HEG1: variants seen among roughly 807,000 people sequenced by gnomAD.
HEG1 encodes heart development protein with EGF like domains 1.
A neutral mutation model predicts 125.6 loss-of-function variants in HEG1; 56 were observed. That is an observed-to-expected ratio of 0.45 (90% CI 0.36 to 0.56). The LOEUF is 0.56. Among genes scored for constraint, HEG1 ranks in the 20% least tolerant of loss-of-function variants. The probability of loss-of-function intolerance (pLI) is 0.00; values close to 1 mark genes in which losing one functional copy is unlikely to be tolerated. For missense variants in HEG1, 1,523 were observed against 1,670.0 expected, an observed-to-expected ratio of 0.91 and a Z score of 1.53; for synonymous variants, 644 against 668.5, an observed-to-expected ratio of 0.96 and a Z score of 0.57.
rs753845416 is a variant in HEG1 at position 124,997,756 on chromosome 3, G to A, written c.3585C>T (p.Asp1195=). The part of the protein sequence containing the change: ...DKDTSICTDL[D]GVALCQCKSG... ...ACTTGCACTGGCACAGGGCAACGCC[G>A]TCCAGGTCAGTGCAGATGGAGGTGT... is the stretch of plus-strand genomic sequence containing the variant. The change falls in exon 12 of 17, where the codon GAC becomes GAT. Residue 1195 remains aspartate, a synonymous_variant. Transcript: ENST00000311127. 45 of 1,598,844 alleles carry A rather than the reference G, an allele frequency of 2.8e-5. No homozygotes were observed. Among genetic ancestry groups the A allele is most frequent in the Middle Eastern group, 1.7e-4 (1 of 6,048 alleles).
intron 7 of HEG1, 36 bp downstream of exon 7, chr3:125,010,403 G>A: frequency 7.5e-7 from 1 of 1,333,266 alleles, no homozygotes; most frequent in Non-Finnish European, 1.1e-6. Context: ...ACGTGGTACT[G>A]TGGTGCAGAC....
At chr3:125,036,553 A>G (rs1055806629) in intron 1 of HEG1, among the ~76,000 whole-genome samples, 1 of 152,222 alleles carries the variant, frequency 6.6e-6, no homozygotes, top group African/African-American at 2.4e-5. Flanking sequence ...TTGAATGACA[A>G]ACAAGGGTAA....
chr3:124,996,727 A>T (rs1936928536), intron 12 of HEG1, among the ~76,000 whole-genome samples: 2 of 152,206 alleles, frequency 1.3e-5, no homozygotes, highest in African/African-American at 4.8e-5. Flanking sequence ...CCTGATGGAG[A>T]AAAGTGGCAT....
At chr3:125,029,749 G>T (rs147570985) in intron 1 of HEG1, among the ~76,000 whole-genome samples, 1 of 152,046 alleles carries the variant, frequency 6.6e-6, no homozygotes, top group Non-Finnish European at 1.5e-5. Flanking sequence ...AAAATTAGCC[G>T]GTCGTGATGG....
At chr3:125,004,493 G>A in intron 9 of HEG1, among the ~76,000 whole-genome samples, 1 of 151,832 alleles carries the variant, frequency 6.6e-6, no homozygotes, top group Non-Finnish European at 1.5e-5. Context: ...GTTTTGGGGG[G>A]TTTCTTTTGT....
At chr3:125,022,867 G>C (rs1248681469) in intron 3 of HEG1, among the ~76,000 whole-genome samples, 1 of 152,098 alleles carries the variant, frequency 6.6e-6, no homozygotes, top group African/African-American at 2.4e-5. Context: ...CCAGGATACT[G>C]CATTAATTTC....
intron 8 of HEG1, 106 bp from the exon 9 acceptor site, chr3:125,005,474 C>A (rs927598871): frequency 1.7e-6 from 1 of 602,440 alleles, no homozygotes; most frequent in Non-Finnish European, 2.9e-6. Context: ...CCTCACAGGA[C>A]AATCTCTGCA....
At chr3:125,044,398 T>A (rs1248497342) in intron 1 of HEG1, among the ~76,000 whole-genome samples, 1 of 151,984 alleles carries the variant, frequency 6.6e-6, no homozygotes, top group East Asian at 1.9e-4. Context: ...GTTAAGGAAT[T>A]TTTTCAAAAG....
intron 8 of HEG1, among the ~76,000 whole-genome samples, chr3:125,006,911 C>T (rs1937078275): frequency 6.6e-6 from 1 of 152,188 alleles, no homozygotes; most frequent in Admixed American, 6.5e-5. Flanking sequence ...TAGAAATTCA[C>T]ATCGCAGGCC....
At chr3:125,014,729 G>A (rs1311351294) in intron 5 of HEG1, 1 of 1,276,402 alleles carries the variant, frequency 7.8e-7, no homozygotes, top group Non-Finnish European at 1.0e-6. Context: ...GTGCACTGGA[G>A]GCGGCCAGTG....
chr3:125,039,653 CT>C lies in HEG1; in HGVS notation c.317-10166del. On this transcript the variant is annotated intron_variant, in intron 1 of 16. Coordinates refer to ENST00000311127, the MANE Select transcript of HEG1 (RefSeq NM_020733.2). Reference sequence around the variant, plus strand: ...TCACATGCATTATCTCATTAATACCCTGTCAAGCGGGTATTATTATCCTCAT... The same window carrying C: ...TCACATGCATTATCTCATTAATACCCGTCAAGCGGGTATTATTATCCTCAT... Among the ~76,000 whole-genome samples the C allele has an allele frequency of 3.3e-5, 5 of 152,234 alleles. No individual in the cohort carries two copies. In the South Asian group the frequency reaches 1.0e-3, roughly 32 times the overall value.
chr3:125,006,436 G>A (rs1218300530), intron 8 of HEG1, among the ~76,000 whole-genome samples: 1 of 152,132 alleles, frequency 6.6e-6, no homozygotes, highest in Non-Finnish European at 1.5e-5. Context: ...CCCTCCGGAT[G>A]GAAAACAAAT....
At chr3:124,979,635 C>T (rs1343484244) in intron 14 of HEG1, among the ~76,000 whole-genome samples, 1 of 152,080 alleles carries the variant, frequency 6.6e-6, no homozygotes, top group Non-Finnish European at 1.5e-5. Context: ...GGATGAAACA[C>T]CAGTAGCCGG....
Position 125,009,646 on chromosome 3 carries a change from T to C in HEG1, c.3193+59A>G, listed in dbSNP as rs570057322. 1.9e-5 allele frequency: 28 copies of C among 1,500,018 alleles called. 1 individual carries two copies. The South Asian group carries it at 3.2e-4, about 17-fold the overall frequency. The allele number at this position is 1,500,018 out of a possible 1,614,324, so 92.9% of individuals were successfully genotyped here. ...TGGTTAGCAAGAAAAATAACAAATGTTACCTTGTAAAATATATTGTGGTAC... is the reference window on the plus strand; with the variant it reads ...TGGTTAGCAAGAAAAATAACAAATGCTACCTTGTAAAATATATTGTGGTAC... On this transcript the variant is annotated intron_variant, in intron 8 of 16. Coordinates refer to ENST00000311127, the MANE Select transcript of HEG1 (RefSeq NM_020733.2).
intron 11 of HEG1, among the ~76,000 whole-genome samples, chr3:124,998,911 G>C (rs1936961962): frequency 1.3e-5 from 2 of 152,188 alleles, no homozygotes; most frequent in Admixed American, 1.3e-4. Flanking sequence ...AAGATGCAAG[G>C]GGAAGGGCCA....
At position 125,013,010 on chromosome 3, in the gene HEG1, G is replaced by A; in HGVS notation, c.2569C>T (p.Pro857Ser). Residue 857 changes from proline (P) to serine (S), a missense_variant, in exon 6 of 17, where the codon CCT (proline) becomes TCT (serine). Pro to Ser is a moderately conservative substitution (Grantham distance 74, BLOSUM62 -1). Transcript: ENST00000311127. ...GATGCTGTGCTTGACAGGGTGCCAG[G>A]AGTGGTCATAAGAGGCTGAGAGGTC... ...LKTSQPLMTT[P>S]GTLSSTASLV... is the part of the protein sequence containing the mutation. 1 of 1,614,078 alleles carries A rather than the reference G, an allele frequency of 6.2e-7. No homozygotes were observed. Among genetic ancestry groups the A allele is most frequent in the Admixed American group, 1.7e-5 (1 of 60,036 alleles).
chr3:125,013,753 C>T lies in HEG1; in HGVS notation c.1826G>A (p.Ser609Asn), dbSNP rs1937198944. The T allele has an allele frequency of 6.2e-7, 1 of 1,613,796 alleles. No homozygotes were observed. Among genetic ancestry groups the T allele is most frequent in the Non-Finnish European group, 8.5e-7 (1 of 1,179,814 alleles). Residue 609 changes from serine to asparagine, a missense_variant, in exon 6 of 17, where the codon AGT becomes AAT. Coordinates refer to ENST00000311127, the MANE Select transcript of HEG1 (RefSeq NM_020733.2). Reference protein sequence around the residue: ...SSFFHAQTERSNISSYDGEYA... With the variant: ...SSFFHAQTERNNISSYDGEYA... ...TTCCCCGTCATAGGATGAGATGTTACTTCTCTCAGTCTGAGCATGAAAAAA... is the reference window on the plus strand; with the variant it reads ...TTCCCCGTCATAGGATGAGATGTTATTTCTCTCAGTCTGAGCATGAAAAAA...
At chr3:125,028,435 C>A (rs113462882) in intron 2 of HEG1, among the ~76,000 whole-genome samples, 4,338 of 152,258 alleles carry the variant, frequency 0.028, 189 homozygotes, top group African/African-American at 0.097. Flanking sequence ...GCTGGCCTTA[C>A]CACCCTACAG....
At chr3:124,972,131 A>C (rs1398344342) in intron 16 of HEG1, 1 of 152,222 alleles carries the variant, frequency 6.6e-6, no homozygotes, top group Non-Finnish European at 1.5e-5. Flanking sequence ...AATGGGGTTC[A>C]TTTACATTCT....
Sources: allele counts gnomAD v4.1 joint callset (sites outside exome capture counted in the v4.1 genomes callset), GRCh38; gene constraint gnomAD v4.1.1; transcripts MANE v1.5; gene names NCBI Gene and HGNC (gene_info 2026-07-23, HGNC 2026-07-21).